Variants in GPC6 observed in about 807,000 individuals in gnomAD.
GPC6 encodes glypican-6.
GPC6 carries 14 observed loss-of-function variants against 55.2 expected under a neutral mutation model. The observed-to-expected ratio is 0.25, with a 90% CI of 0.17 to 0.40. GPC6 has a LOEUF of 0.40. Among genes scored for constraint, GPC6 ranks in the 10% least tolerant of loss-of-function variants. The probability of loss-of-function intolerance (pLI) is 1.00; values close to 1 mark genes in which losing one functional copy is unlikely to be tolerated. For missense variants in GPC6, 641 were observed against 708.5 expected, an observed-to-expected ratio of 0.90 and a Z score of 1.08; for synonymous variants, 278 against 259.6, an observed-to-expected ratio of 1.07 and a Z score of -0.68.
At chr13:93,721,129 T>G (rs1883440739) in intron 2 of GPC6, among the ~76,000 whole-genome samples, 2 of 152,008 alleles carry the variant, frequency 1.3e-5, no homozygotes, top group African/African-American at 4.8e-5. Flanking sequence ...GCTAATTTTC[T>G]GTCTCATTGA....
At chr13:93,355,120 C>A (rs1276258836) in intron 1 of GPC6, among the ~76,000 whole-genome samples, 1 of 152,174 alleles carries the variant, frequency 6.6e-6, no homozygotes, top group Non-Finnish European at 1.5e-5. Flanking sequence ...AGCCATTATT[C>A]ATATCTTGAT....
chr13:94,080,565 A>T (rs1382828666), intron 4 of GPC6, among the ~76,000 whole-genome samples: 1 of 152,170 alleles, frequency 6.6e-6, no homozygotes, highest in African/African-American at 2.4e-5. Flanking sequence ...GGGCAACTAT[A>T]AAAAATGTCA....
intron 3 of GPC6, among the ~76,000 whole-genome samples, chr13:93,999,863 C>G (rs1168250190): frequency 6.6e-6 from 1 of 152,088 alleles, no homozygotes; most frequent in African/African-American, 2.4e-5. Flanking sequence ...AATAACAAAA[C>G]CAAACATTTA....
At chr13:93,533,142 G>T (rs1037917571) in intron 1 of GPC6, among the ~76,000 whole-genome samples, 1 of 152,106 alleles carries the variant, frequency 6.6e-6, no homozygotes, top group African/African-American at 2.4e-5. Context: ...GTTGAAAAGT[G>T]CTTATTTGGA....
At chr13:93,654,238 A>AATT (rs1355065548) in intron 2 of GPC6, among the ~76,000 whole-genome samples, 2 of 151,962 alleles carry the variant, frequency 1.3e-5, no homozygotes, top group African/African-American at 4.8e-5. Flanking sequence ...CACTTTAAGT[A>AATT]ATTATTATTA....
chr13:94,078,940 C>T (rs563752067), intron 4 of GPC6, among the ~76,000 whole-genome samples: 3 of 151,704 alleles, frequency 2.0e-5, no homozygotes, highest in Non-Finnish European at 3.0e-5. Context: ...AAAAACACTA[C>T]AAGAAAAAAA....
rs981050309 is a variant in GPC6 at position 94,190,782 on chromosome 13, T to C, written c.878-95567T>C. 5.3e-5 allele frequency among the ~76,000 whole-genome samples: 8 copies of C among 152,154 alleles called. 1 individual carries two copies. The highest frequency in any genetic ancestry group is 5.2e-4 in the Admixed American group (8 of 15,264). The stretch of plus-strand genomic sequence containing the variant: ...ACGATGTGTGTAACTAATTCTCAAA[T>C]AGTGAGAATTATCTCAAAAGTTATA... On this transcript the variant is annotated intron_variant, in intron 4 of 8. Transcript: ENST00000377047.
intron 3 of GPC6, among the ~76,000 whole-genome samples, chr13:93,910,887 A>G (rs1876938243): frequency 6.6e-6 from 1 of 152,234 alleles, no homozygotes; most frequent in African/African-American, 2.4e-5. Flanking sequence ...AGGAACCCCC[A>G]TAGTACTGTA....
chr13:93,663,546 A>G (rs1881011101), intron 2 of GPC6, among the ~76,000 whole-genome samples: 1 of 152,216 alleles, frequency 6.6e-6, no homozygotes, highest in African/African-American at 2.4e-5. Flanking sequence ...TCTCTGAATA[A>G]TAATGGATTT....
At chr13:93,484,635 T>C (rs983833138) in intron 1 of GPC6, among the ~76,000 whole-genome samples, 7 of 152,144 alleles carry the variant, frequency 4.6e-5, no homozygotes, top group African/African-American at 1.4e-4. Context: ...TTAAAATACA[T>C]TTGAATCTTT....
chr13:93,240,940 C>G (rs1444092163), intron 1 of GPC6, among the ~76,000 whole-genome samples: 2 of 152,082 alleles, frequency 1.3e-5, no homozygotes, highest in African/African-American at 4.8e-5. Context: ...GACCATTACT[C>G]TGTTTAAGAA....
chr13:93,765,308 T>TCCAGATAAGCTGTCTGGAAAGACA, intron 2 of GPC6, among the ~76,000 whole-genome samples: 2 of 148,686 alleles, frequency 1.3e-5, no homozygotes, highest in African/African-American at 2.5e-5. Context: ...AAAGACAACT[T>TCCAGATAAGCTGTCTGGAAAGACA]ATTTGGTTTA....
intron 2 of GPC6, among the ~76,000 whole-genome samples, chr13:93,628,406 T>C (rs969469153): frequency 1.3e-5 from 2 of 152,184 alleles, no homozygotes; most frequent in Admixed American, 1.3e-4. Context: ...GCCTATTCCT[T>C]GGTAAAGTGG....
intron 3 of GPC6, among the ~76,000 whole-genome samples, chr13:93,882,169 T>G (rs1397026556): frequency 6.6e-6 from 1 of 152,028 alleles, no homozygotes; most frequent in East Asian, 1.9e-4. Context: ...TGTTTGTTTG[T>G]TTTTTGACAG....
intron 4 of GPC6, among the ~76,000 whole-genome samples, chr13:94,144,646 A>G (rs1378588787): frequency 6.6e-6 from 1 of 152,012 alleles, no homozygotes; most frequent in Admixed American, 6.6e-5. Context: ...TTTATTTTAC[A>G]AAGACTTGTC....
chr13:93,980,409 A>G (rs781462124), intron 3 of GPC6, among the ~76,000 whole-genome samples: 8 of 152,136 alleles, frequency 5.3e-5, no homozygotes, highest in Non-Finnish European at 1.2e-4. Context: ...GTAGGCAAAA[A>G]ATGGTAATAA....
intron 3 of GPC6, among the ~76,000 whole-genome samples, chr13:93,859,205 C>T (rs1051296059): frequency 6.6e-6 from 1 of 151,592 alleles, no homozygotes; most frequent in African/African-American, 2.4e-5. Context: ...CAGTATCTAT[C>T]TTTTAAAAAT....
chr13:94,251,095 G>C (rs1023159225), intron 4 of GPC6, among the ~76,000 whole-genome samples: 1 of 152,010 alleles, frequency 6.6e-6, no homozygotes, highest in Non-Finnish European at 1.5e-5. Flanking sequence ...AAGAAATGTG[G>C]TACATATACA....
Position 94,382,486 on chromosome 13 carries a change from G to T in GPC6, c.1225G>T (p.Asp409Tyr). 1 of 1,614,194 alleles carries T rather than the reference G, an allele frequency of 6.2e-7. No individual in the cohort carries two copies. Among genetic ancestry groups the T allele is most frequent in the Non-Finnish European group, 8.5e-7 (1 of 1,180,032 alleles). Residue 409 changes from aspartate (D) to tyrosine (Y), a missense_variant, in exon 7 of 9, where the codon GAC becomes TAC. Transcript: ENST00000377047. Reference sequence around the variant, plus strand: ...AGCATTACCCTACACTATCTGCAAGGACGAGAGCGTGACAGCGGGCACGTC... The same window carrying T: ...AGCATTACCCTACACTATCTGCAAGTACGAGAGCGTGACAGCGGGCACGTC... ...WSALPYTICK[D>Y]ESVTAGTSNE...
Sources: allele counts gnomAD v4.1 joint callset (sites outside exome capture counted in the v4.1 genomes callset), GRCh38; gene constraint gnomAD v4.1.1; transcripts MANE v1.5; gene names NCBI Gene and HGNC (gene_info 2026-07-23, HGNC 2026-07-21).